RNF212B: variants seen among roughly 807,000 people sequenced by gnomAD.
The protein encoded by RNF212B is ring finger protein 212B.
Under a neutral mutation model 55.5 loss-of-function variants are expected in RNF212B, and 52 were observed. The ratio of observed to expected loss-of-function variants is 0.94; its 90% CI spans 0.75 to 1.18. The LOEUF (loss-of-function observed/expected upper bound fraction) is 1.18, where lower values mean the gene tolerates loss of function less well. RNF212B is among the 50% of genes most tolerant of loss of function. The pLI is 0.00. For missense variants in RNF212B, 289 were observed against 350.4 expected (o/e 0.82, Z 1.40); for synonymous variants, 99 against 121.4 (o/e 0.82, Z 1.21).
At position 23,197,860 on chromosome 14, in the gene RNF212B, G is replaced by T. The variant is rs377240022; in HGVS notation, c.-2+4459G>T. ...GAGTCCAAAAAGAGAGTCAGCGAAG[G>T]GAGATAGGGGTGGGGCCATTTCATA... is the stretch of plus-strand genomic sequence containing the variant. On this transcript the variant is annotated intron_variant, in intron 2 of 15. Transcript: ENST00000399910. 1.1e-4 allele frequency among the ~76,000 whole-genome samples: 17 copies of T among 151,916 alleles called. No individual in the cohort carries two copies. The East Asian group carries it at 2.5e-3, about 23-fold the overall frequency.
intron 1 of RNF212B, among the ~76,000 whole-genome samples, chr14:23,190,631 A>G (rs59972093): frequency 0.048 from 7,273 of 152,016 alleles, 372 homozygotes; most frequent in African/African-American, 0.12. Context: ...TCTCACCTAC[A>G]CTGTTTCAAT....
chr14:23,218,792 A>G (rs962070722), intron 2 of RNF212B, among the ~76,000 whole-genome samples: 1 of 152,232 alleles, frequency 6.6e-6, no homozygotes, highest in Non-Finnish European at 1.5e-5. Context: ...GGATTATATC[A>G]GAGAACTTCC....
At chr14:23,251,974 G>A (rs954644369) in intron 4 of RNF212B, among the ~76,000 whole-genome samples, 1 of 152,036 alleles carries the variant, frequency 6.6e-6, no homozygotes, top group East Asian at 1.9e-4. Context: ...TCTCTGAACC[G>A]CCTTGTTCAG....
At chr14:23,226,604 C>G (rs1882042979) in intron 2 of RNF212B, among the ~76,000 whole-genome samples, 1 of 152,008 alleles carries the variant, frequency 6.6e-6, no homozygotes, top group African/African-American at 2.4e-5. Flanking sequence ...ACACTCCAGC[C>G]TGGGTGACAG....
intron 2 of RNF212B, among the ~76,000 whole-genome samples, chr14:23,193,976 G>A (rs1225818586): frequency 6.6e-6 from 1 of 152,112 alleles, no homozygotes; most frequent in African/African-American, 2.4e-5. Flanking sequence ...CAAGTAGATG[G>A]GATTACAGGA....
intron 4 of RNF212B, among the ~76,000 whole-genome samples, chr14:23,246,883 G>A (rs1884021253): frequency 1.3e-5 from 2 of 152,278 alleles, no homozygotes; most frequent in South Asian, 4.1e-4. Context: ...GCTCACGCCT[G>A]TAATCCCAGC....
At chr14:23,191,382 C>T (rs532300284) in intron 1 of RNF212B, among the ~76,000 whole-genome samples, 2 of 150,998 alleles carry the variant, frequency 1.3e-5, no homozygotes, top group East Asian at 3.9e-4. Context: ...AGAAAGTCCA[C>T]CTCCATCCCA....
upstream of RNF212B, among the ~76,000 whole-genome samples, chr14:23,233,728 T>G (rs1264293679): frequency 2.4e-5 from 3 of 124,912 alleles, no homozygotes; most frequent in South Asian, 2.5e-4. Context: ...GGCAACAGAG[T>G]GAGACCCTGT....
At chr14:23,229,466 A>G (rs937890883) in intron 2 of RNF212B, among the ~76,000 whole-genome samples, 1 of 151,710 alleles carries the variant, frequency 6.6e-6, no homozygotes, top group African/African-American at 2.4e-5. Flanking sequence ...GAGCCACCAA[A>G]TTGCTTTCCA....
intron 14 of RNF212B, chr14:23,272,521 C>T (rs557573388): frequency 1.9e-5 from 7 of 370,466 alleles, no homozygotes; most frequent in Non-Finnish European, 3.5e-5. Context: ...AGAACTCTGC[C>T]TCCCTGGTAG....
Position 23,264,249 on chromosome 14 carries a change from C to G in RNF212B, c.585+15C>G. The G allele has an allele frequency of 6.5e-7, 1 of 1,534,140 alleles. No homozygotes were observed. Among genetic ancestry groups the G allele is most frequent in the South Asian group, 1.2e-5 (1 of 83,154 alleles). On this transcript the variant is annotated intron_variant, in intron 10 of 14. Transcript: ENST00000430154. ...GCTTGGGACAAGTAAGTAATGTTCA[C>G]CTTATCTTTCCAGATTGAAGTTTCT...
At chr14:23,218,526 G>GTGAGTC (rs1881294756) in intron 2 of RNF212B, among the ~76,000 whole-genome samples, 1 of 151,348 alleles carries the variant, frequency 6.6e-6, no homozygotes, top group Non-Finnish European at 1.5e-5. Context: ...AAGGAATCAT[G>GTGAGTC]TGAGTCTGGG....
At chr14:23,244,089 A>C (rs943048524) in intron 3 of RNF212B, among the ~76,000 whole-genome samples, 2 of 152,136 alleles carry the variant, frequency 1.3e-5, no homozygotes. Flanking sequence ...AAAGAAAAAA[A>C]AAAAGTATAA....
chr14:23,236,809 C>T (rs1351609000), upstream of RNF212B, among the ~76,000 whole-genome samples: 1 of 151,542 alleles, frequency 6.6e-6, no homozygotes, highest in Non-Finnish European at 1.5e-5. Flanking sequence ...CATTTGCATG[C>T]TTTTTGCCAG....
chr14:23,248,378 C>T (rs76671935), intron 4 of RNF212B, among the ~76,000 whole-genome samples: 25,015 of 149,106 alleles, frequency 0.17, 2,485 homozygotes, highest in South Asian at 0.26. Flanking sequence ...GCAATCTGCC[C>T]GCCTCAGCCT....
chr14:23,258,952 G>A (rs1157577767), intron 5 of RNF212B, among the ~76,000 whole-genome samples: 7 of 151,490 alleles, frequency 4.6e-5, no homozygotes, highest in Admixed American at 2.6e-4. Context: ...TTGGGTGACC[G>A]AAGCAGAAGA....
chr14:23,212,225 C>A (rs1566400329), intron 2 of RNF212B, among the ~76,000 whole-genome samples: 1 of 152,176 alleles, frequency 6.6e-6, no homozygotes, highest in East Asian at 1.9e-4. Context: ...AAGACTAACA[C>A]AAGGATGTCT....
upstream of RNF212B, among the ~76,000 whole-genome samples, chr14:23,237,863 G>T (rs1217570592): frequency 6.6e-6 from 1 of 152,062 alleles, no homozygotes; most frequent in Non-Finnish European, 1.5e-5. Context: ...GCACGCCACG[G>T]AGCCACGCCC....
upstream of RNF212B, among the ~76,000 whole-genome samples, chr14:23,234,454 C>T (rs1199520274): frequency 6.6e-6 from 1 of 152,070 alleles, no homozygotes; most frequent in Admixed American, 6.6e-5. Context: ...TGGTACCTGT[C>T]TGTTTAGATT....
Sources: allele counts gnomAD v4.1 joint callset (sites outside exome capture counted in the v4.1 genomes callset), GRCh38; gene constraint gnomAD v4.1.1; transcripts MANE v1.5; gene names NCBI Gene and HGNC (gene_info 2026-07-23, HGNC 2026-07-21).